Variants in SERPINI1 observed in about 807,000 individuals in gnomAD.
The protein encoded by SERPINI1 is neuroserpin.
A neutral mutation model predicts 41.1 loss-of-function variants in SERPINI1; 19 were observed. The observed-to-expected ratio is 0.46, with a 90% CI of 0.32 to 0.68. The LOEUF (loss-of-function observed/expected upper bound fraction) is 0.68. Among genes scored for constraint, SERPINI1 ranks in the 30% least tolerant of loss-of-function variants. SERPINI1 has a pLI of 0.03. For synonymous variants in SERPINI1, 138 were observed against 156.6 expected, an observed-to-expected ratio of 0.88 and a Z score of 0.89; for missense variants, 460 against 479.2, an observed-to-expected ratio of 0.96 and a Z score of 0.37.
At chr3:167,747,535 T>A (rs1467604805) in intron 1 of SERPINI1, among the ~76,000 whole-genome samples, 1 of 152,076 alleles carries the variant, frequency 6.6e-6, no homozygotes, top group Non-Finnish European at 1.5e-5. Context: ...TTCCAGCTAC[T>A]CGAGAGGCTG....
chr3:167,805,691 T>C (rs1181982407), intron 5 of SERPINI1, among the ~76,000 whole-genome samples: 5 of 152,238 alleles, frequency 3.3e-5, no homozygotes, highest in African/African-American at 1.2e-4. Flanking sequence ...TTTAAGTCTT[T>C]AATCCATCTT....
At chr3:167,795,601 C>T (rs1214014245) in intron 5 of SERPINI1, among the ~76,000 whole-genome samples, 1 of 152,144 alleles carries the variant, frequency 6.6e-6, no homozygotes, top group Non-Finnish European at 1.5e-5. Context: ...ACCAGTTCTT[C>T]TCTGAAGCCT....
At chr3:167,794,599 T>C (rs367634982) in intron 4 of SERPINI1, 21 bp from the exon 5 acceptor site, 12 of 1,608,232 alleles carry the variant, frequency 7.5e-6, no homozygotes, top group African/African-American at 2.7e-5. Flanking sequence ...GCATCTTTTA[T>C]GGCCTTTATT....
chr3:167,820,077 C>T (rs1056056046), intron 6 of SERPINI1, among the ~76,000 whole-genome samples: 26 of 152,182 alleles, frequency 1.7e-4, no homozygotes, highest in African/African-American at 5.5e-4. Flanking sequence ...TATTTTCTCA[C>T]AGCTCTAGAG....
chr3:167,819,598 A>C (rs1277022573), intron 6 of SERPINI1, among the ~76,000 whole-genome samples: 1 of 152,230 alleles, frequency 6.6e-6, no homozygotes, highest in Non-Finnish European at 1.5e-5. Context: ...TTAAAAGTAT[A>C]TTCAGAGATG....
rs941131457 is a variant in SERPINI1 at position 167,759,423 on chromosome 3, C to T, written c.-19+23600C>T. On this transcript the variant is annotated intron_variant, in intron 1 of 8. Coordinates refer to ENST00000446050, the MANE Select transcript of SERPINI1 (RefSeq NM_001122752.2). ...TGGTATATATATATATATATATATG[C>T]GCCATGCAGTACTATGCAGCCATAA... is the stretch of plus-strand genomic sequence containing the variant. Among the ~76,000 whole-genome samples the T allele has an allele frequency of 9.6e-4, 87 of 90,788 alleles. 4 individuals carry two copies. Among genetic ancestry groups the T allele is most frequent in the Admixed American group, 6.2e-3 (62 of 9,986 alleles). 59.6% of individuals were successfully genotyped at this position (90,788 alleles called of 152,430 possible). A position where few individuals can be genotyped will look rare whatever the true frequency, so the allele number is the denominator to read the frequency against.
intron 1 of SERPINI1, among the ~76,000 whole-genome samples, chr3:167,740,883 T>A (rs943834423): frequency 6.6e-6 from 1 of 152,246 alleles, no homozygotes; most frequent in African/African-American, 2.4e-5. Flanking sequence ...CGATTTCCAT[T>A]ACTTTTTTCT....
chr3:167,744,205 T>C (rs548085406), intron 1 of SERPINI1, among the ~76,000 whole-genome samples: 1 of 152,242 alleles, frequency 6.6e-6, no homozygotes, highest in East Asian at 1.9e-4. Flanking sequence ...CTCTCTAAAC[T>C]TTGGTTTTGT....
At position 167,793,838 on chromosome 3, in the gene SERPINI1, A is replaced by ATGTGTGTGTGTGTGTG. The variant is rs56401913; in HGVS notation, c.677-764_677-749dup. Among the ~76,000 whole-genome samples, 427 of 141,294 alleles carry ATGTGTGTGTGTGTGTG rather than the reference A, an allele frequency of 3.0e-3. 1 individual carries two copies. Among genetic ancestry groups the ATGTGTGTGTGTGTGTG allele is most frequent in the African/African-American group, 0.011 (407 of 37,520 alleles). 92.7% of individuals were successfully genotyped at this position (141,294 alleles called of 152,430 possible). A position where few individuals can be genotyped will look rare whatever the true frequency, so the allele number is the denominator to read the frequency against. On this transcript the variant is annotated intron_variant, in intron 4 of 8. Coordinates refer to ENST00000446050, the MANE Select transcript of SERPINI1 (RefSeq NM_001122752.2). The stretch of plus-strand genomic sequence containing the variant: ...TATATAGTTCATTTTGGCCATATGT[A>ATGTGTGTGTGTGTGTG]TGTGTGTGTGTGTGTGTGTGTGTGT...
At chr3:167,793,539 C>G (rs1408555072) in intron 4 of SERPINI1, among the ~76,000 whole-genome samples, 1 of 149,938 alleles carries the variant, frequency 6.7e-6, no homozygotes, top group Non-Finnish European at 1.5e-5. Flanking sequence ...GGAGTTCGGA[C>G]TAGCTTGGGC....
In SERPINI1 at chr3:167,819,123, AATTT is replaced by A. The variant is rs569390133; in HGVS notation, c.980-3858_980-3855del. 2.9e-3 allele frequency among the ~76,000 whole-genome samples: 443 copies of A among 152,278 alleles called. 4 individuals are homozygous for A. The highest frequency in any genetic ancestry group is 0.01 in the African/African-American group (431 of 41,558). ...TAGTTAATATATTTTACTGTCTTAA[AATTT>A]ATTTTTTAAATGTTTTCTTTTTTAT... On this transcript the variant is annotated intron_variant, in intron 6 of 8. Transcript: ENST00000446050.
At chr3:167,737,445 A>T (rs914825363) in intron 1 of SERPINI1, among the ~76,000 whole-genome samples, 4 of 152,150 alleles carry the variant, frequency 2.6e-5, no homozygotes, top group African/African-American at 4.8e-5. Flanking sequence ...ATTAATTCAC[A>T]TAGCTGATAT....
chr3:167,779,701 A>C (rs140713520), intron 1 of SERPINI1, among the ~76,000 whole-genome samples: 1 of 151,948 alleles, frequency 6.6e-6, no homozygotes, highest in African/African-American at 2.4e-5. Context: ...TTCATATATT[A>C]CTCTGTCCAT....
intron 1 of SERPINI1, among the ~76,000 whole-genome samples, chr3:167,767,848 T>G (rs1166339504): frequency 1.3e-5 from 2 of 152,140 alleles, no homozygotes; most frequent in Non-Finnish European, 2.9e-5. Context: ...TTCTGCAATC[T>G]CATGATCAAA....
At chr3:167,815,327 A>G (rs1203518881) in intron 6 of SERPINI1, among the ~76,000 whole-genome samples, 3 of 152,150 alleles carry the variant, frequency 2.0e-5, no homozygotes, top group Admixed American at 2.0e-4. Flanking sequence ...TCAAGAAAAA[A>G]AGGCTTCATT....
At chr3:167,790,647 CT>C in intron 3 of SERPINI1, 45 bp downstream of exon 3, 1 of 1,353,356 alleles carries the variant, frequency 7.4e-7, no homozygotes, top group Non-Finnish European at 1.1e-6. Flanking sequence ...TTAGTTTTAA[CT>C]GTCTTTAACT....
Position 167,789,156 on chromosome 3 carries a change from C to A in SERPINI1, c.28C>A (p.Leu10Met). The change falls in exon 2 of 9, where the codon CTG (leucine) becomes ATG (methionine). Residue 10 changes from leucine to methionine, a missense_variant. Physicochemically the swap from Leu to Met is conservative, Grantham distance 15. Transcript: ENST00000446050. MAFLGLFSL[L>M]VLQSMATGAT... Reference sequence around the variant, plus strand: ...GGCTTTCCTTGGACTCTTCTCTTTGCTGGTTCTGCAAAGTATGGCTACAGG... The same window carrying A: ...GGCTTTCCTTGGACTCTTCTCTTTGATGGTTCTGCAAAGTATGGCTACAGG... The A allele has an allele frequency of 6.2e-7, 1 of 1,614,040 alleles. No individual in the cohort carries two copies. The highest frequency in any genetic ancestry group is 8.5e-7 in the Non-Finnish European group (1 of 1,179,976).
chr3:167,789,843 A>G (rs962071441), intron 2 of SERPINI1, among the ~76,000 whole-genome samples: 15 of 152,162 alleles, frequency 9.9e-5, no homozygotes, highest in African/African-American at 3.6e-4. Context: ...TAAAAATTCT[A>G]TGTATTGGGG....
At chr3:167,757,871 A>G (rs940127553) in intron 1 of SERPINI1, among the ~76,000 whole-genome samples, 5 of 152,188 alleles carry the variant, frequency 3.3e-5, no homozygotes, top group Admixed American at 1.3e-4. Flanking sequence ...GTGAGCCGAG[A>G]TCACGCCACT....
Sources: gnomAD v4.1 joint callset for allele counts (sites outside exome capture counted in the v4.1 genomes callset) on GRCh38, gnomAD v4.1.1 for gene constraint, MANE v1.5 for transcripts, NCBI Gene and HGNC (gene_info 2026-07-23, HGNC 2026-07-21) for gene names.